PTPRD: variants seen among roughly 807,000 people sequenced by gnomAD.
The protein encoded by PTPRD is protein tyrosine phosphatase receptor type D.
In PTPRD, 34 loss-of-function variants were observed where a neutral mutation model predicts 214.5. The observed-to-expected ratio is 0.16, with a 90% CI of 0.12 to 0.21. The LOEUF (loss-of-function observed/expected upper bound fraction) is 0.21, where lower values mean the gene tolerates loss of function less well. Ranked by LOEUF, PTPRD falls within the 10% of genes least tolerant of loss-of-function variation. The pLI, the probability that PTPRD is intolerant of heterozygous loss-of-function variation, is 1.00. For missense variants in PTPRD, 2,545 were observed against 2,398.7 expected (o/e 1.06, Z -1.27); for synonymous variants, 1,128 against 845.7 (o/e 1.33, Z -5.79).
chr9:10,559,252 G>A (rs1375346149), intron 2 of PTPRD, among the ~76,000 whole-genome samples: 3 of 152,028 alleles, frequency 2.0e-5, no homozygotes, highest in Non-Finnish European at 4.4e-5. Context: ...TAAGTTGCAG[G>A]GGTTATACAA....
chr9:8,337,952 T>C (rs1328845606), intron 43 of PTPRD, among the ~76,000 whole-genome samples: 1 of 152,004 alleles, frequency 6.6e-6, no homozygotes, highest in African/African-American at 2.4e-5. Context: ...ACTGTCACCT[T>C]CAGAATAGTT....
chr9:10,235,661 G>A (rs180837678), intron 3 of PTPRD, among the ~76,000 whole-genome samples: 10 of 152,088 alleles, frequency 6.6e-5, no homozygotes, highest in African/African-American at 2.2e-4. Flanking sequence ...TTCATAATGT[G>A]TCTTACATGT....
At chr9:8,541,819 C>G (rs1003918993) in intron 14 of PTPRD, among the ~76,000 whole-genome samples, 2 of 152,116 alleles carry the variant, frequency 1.3e-5, no homozygotes, top group Admixed American at 6.6e-5. Flanking sequence ...TCCTCTCTAT[C>G]AAAAGAATAT....
intron 42 of PTPRD, 133 bp from the exon 43 acceptor site, chr9:8,339,180 T>C (rs983380616): frequency 1.5e-5 from 14 of 904,056 alleles, no homozygotes; most frequent in Non-Finnish European, 2.2e-5. Context: ...GCAATTCCAA[T>C]TGCATATGAC....
intron 4 of PTPRD, among the ~76,000 whole-genome samples, chr9:9,994,610 AAAAC>A (rs1168376557): frequency 1.3e-5 from 2 of 152,198 alleles, no homozygotes; most frequent in African/African-American, 4.8e-5. Context: ...CATAAAAGAA[AAAAC>A]AAACAGAAAA....
intron 5 of PTPRD, among the ~76,000 whole-genome samples, chr9:9,791,992 T>C (rs1260304239): frequency 6.6e-6 from 1 of 152,160 alleles, no homozygotes; most frequent in Non-Finnish European, 1.5e-5. Context: ...AGTTCTGTTG[T>C]CCTGAAGTCC....
At chr9:9,100,654 T>C (rs920816064) in intron 10 of PTPRD, among the ~76,000 whole-genome samples, 11 of 152,158 alleles carry the variant, frequency 7.2e-5, no homozygotes, top group Admixed American at 3.3e-4. Context: ...AGCATCTTTA[T>C]AGGTAAAAGT....
chr9:8,436,074 T>C (rs1255411018), intron 35 of PTPRD, among the ~76,000 whole-genome samples: 4 of 152,210 alleles, frequency 2.6e-5, no homozygotes, highest in Admixed American at 6.5e-5. Flanking sequence ...AGCTTATCAA[T>C]TTAGTATATT....
rs2098687715 is a variant in PTPRD at position 8,733,808 on chromosome 9, G to C, written c.36C>G (p.Leu12=). 1 of 1,553,102 alleles carries C rather than the reference G, an allele frequency of 6.4e-7. No individual in the cohort carries two copies. Among genetic ancestry groups the C allele is most frequent in the East Asian group, 2.4e-5 (1 of 41,086 alleles). ...VHVARLLLLL[L]TFFLRTDAET... ...CAGCATCCGTGCGGAGGAAGAAAGTGAGGAGCAGCAGCAGCAGCCTGGCTA... is the reference window on the plus strand; with the variant it reads ...CAGCATCCGTGCGGAGGAAGAAAGTCAGGAGCAGCAGCAGCAGCCTGGCTA... The change falls in exon 12 of 46, where the codon CTC becomes CTG. Residue 12 remains leucine, a synonymous_variant. Transcript: ENST00000381196.
intron 5 of PTPRD, among the ~76,000 whole-genome samples, chr9:9,790,596 G>T (rs898949422): frequency 6.6e-6 from 1 of 152,006 alleles, no homozygotes; most frequent in Non-Finnish European, 1.5e-5. Context: ...TAGTTTAATA[G>T]GTATAAATAT....
At chr9:9,250,614 C>A (rs994357101) in intron 9 of PTPRD, among the ~76,000 whole-genome samples, 2 of 152,062 alleles carry the variant, frequency 1.3e-5, no homozygotes, top group Non-Finnish European at 2.9e-5. Flanking sequence ...CTCATATGCA[C>A]TAAACTGATA....
In PTPRD at chr9:8,331,673, T is replaced by G; in HGVS notation, c.5443A>C (p.Lys1815Gln). 2 of 1,613,878 alleles carry G rather than the reference T, an allele frequency of 1.2e-6. No homozygotes were observed. Among genetic ancestry groups the G allele is most frequent in the South Asian group, 1.1e-5 (1 of 91,042 alleles). Residue 1815 changes from lysine (K) to glutamine (Q), a missense_variant, in exon 44 of 46, where the codon AAG becomes CAG. Transcript: ENST00000381196. Reference protein sequence around the residue: ...FTDWPEQGVPKSGEGFIDFIG... With the variant: ...FTDWPEQGVPQSGEGFIDFIG... ...AAGTCAATAAATCCTTCTCCGGACTTTGGCACTCCTTGCTCTGGCCAGTCA... is the reference window on the plus strand; with the variant it reads ...AAGTCAATAAATCCTTCTCCGGACTGTGGCACTCCTTGCTCTGGCCAGTCA...
intron 3 of PTPRD, among the ~76,000 whole-genome samples, chr9:10,093,329 C>T (rs957043188): frequency 6.6e-6 from 1 of 151,260 alleles, no homozygotes; most frequent in Admixed American, 6.6e-5. Context: ...AAATGGCCAA[C>T]AAACATGAAA....
intron 5 of PTPRD, among the ~76,000 whole-genome samples, chr9:9,891,252 T>C (rs2086664222): frequency 6.6e-6 from 1 of 152,140 alleles, no homozygotes; most frequent in African/African-American, 2.4e-5. Context: ...GGGGATGAGA[T>C]GGACTTTCAA....
At chr9:9,430,184 G>A (rs562852928) in intron 8 of PTPRD, among the ~76,000 whole-genome samples, 4 of 152,284 alleles carry the variant, frequency 2.6e-5, no homozygotes, top group Admixed American at 2.0e-4. Context: ...TCCTTAAGCT[G>A]ATAAGCAACT....
chr9:10,175,105 T>G (rs549556418), intron 3 of PTPRD, among the ~76,000 whole-genome samples: 1 of 152,128 alleles, frequency 6.6e-6, no homozygotes, highest in Non-Finnish European at 1.5e-5. Flanking sequence ...GCCCTTTGGG[T>G]TAAGAGAGAT....
intron 2 of PTPRD, among the ~76,000 whole-genome samples, chr9:10,428,461 T>TA (rs1308396251): frequency 1.4e-4 from 22 of 152,114 alleles, no homozygotes; most frequent in Non-Finnish European, 2.6e-4. Flanking sequence ...GTGCCACATG[T>TA]TGCAAACAGT....
chr9:9,759,699 A>G, intron 6 of PTPRD, among the ~76,000 whole-genome samples: 1 of 151,838 alleles, frequency 6.6e-6, no homozygotes, highest in African/African-American at 2.4e-5. Flanking sequence ...CTGAGATTAC[A>G]GGTGCCCACC....
intron 8 of PTPRD, among the ~76,000 whole-genome samples, chr9:9,415,262 C>T (rs572603581): frequency 4.9e-4 from 75 of 152,104 alleles, no homozygotes; most frequent in Middle Eastern, 3.4e-3. Context: ...GATCTCGAGG[C>T]TAGGAGTTTG....
Sources: allele counts gnomAD v4.1 joint callset (sites outside exome capture counted in the v4.1 genomes callset), GRCh38; gene constraint gnomAD v4.1.1; transcripts MANE v1.5; gene names NCBI Gene and HGNC (gene_info 2026-07-23, HGNC 2026-07-21).